Variants in NALCN observed in about 807,000 individuals in gnomAD.
The protein encoded by NALCN is sodium leak channel NALCN.
A neutral mutation model predicts 225.3 loss-of-function variants in NALCN; 111 were observed. That is an observed-to-expected ratio of 0.49 (90% CI 0.42 to 0.58). The LOEUF is 0.58. Ranked by LOEUF, NALCN falls within the 20% of genes least tolerant of loss-of-function variation. The probability of loss-of-function intolerance (pLI) is 0.00; values close to 1 mark genes in which losing one functional copy is unlikely to be tolerated. For missense variants in NALCN, 1,378 were observed against 2,202.4 expected, an observed-to-expected ratio of 0.63 and a Z score of 7.49; for synonymous variants, 764 against 769.0, an observed-to-expected ratio of 0.99 and a Z score of 0.11.
At chr13:101,329,851 C>T (rs1208415030) in intron 7 of NALCN, among the ~76,000 whole-genome samples, 4 of 151,584 alleles carry the variant, frequency 2.6e-5, no homozygotes, top group African/African-American at 4.8e-5. Flanking sequence ...CCAGCCTGGC[C>T]GAAATGGTGA....
chr13:101,397,009 G>A (rs2047312158), intron 2 of NALCN, among the ~76,000 whole-genome samples: 1 of 139,992 alleles, frequency 7.1e-6, no homozygotes, highest in Non-Finnish European at 1.5e-5. Context: ...AAATATGGAA[G>A]CAACACACTT....
intron 6 of NALCN, among the ~76,000 whole-genome samples, chr13:101,368,154 T>G: frequency 1.0e-5 from 1 of 96,450 alleles, no homozygotes; most frequent in Admixed American, 1.4e-4. Flanking sequence ...CCCTCCCCCC[T>G]CCCCCCACCC....
chr13:101,234,629 C>A lies in NALCN; in HGVS notation c.1434+3126G>T, dbSNP rs1340292124. Reference sequence around the variant, plus strand: ...TTTCTCAAGAGATTTACTTTCTAGCCACAAATTAACTGAGATCATTTTTAT... The same window carrying A: ...TTTCTCAAGAGATTTACTTTCTAGCAACAAATTAACTGAGATCATTTTTAT... On this transcript the variant is annotated intron_variant, in intron 12 of 43. Transcript: ENST00000251127. Among the ~76,000 whole-genome samples the A allele has an allele frequency of 3.3e-5, 5 of 152,102 alleles. No individual in the cohort carries two copies. The South Asian group carries it at 6.2e-4, about 19-fold the overall frequency.
chr13:101,404,798 T>C (rs1256072333), intron 1 of NALCN, among the ~76,000 whole-genome samples: 1 of 152,240 alleles, frequency 6.6e-6, no homozygotes, highest in Non-Finnish European at 1.5e-5. Context: ...AAATCCTAAC[T>C]GTAAGTAAAC....
chr13:101,405,232 T>A (rs948025809), intron 1 of NALCN, among the ~76,000 whole-genome samples: 2 of 152,194 alleles, frequency 1.3e-5, no homozygotes, highest in Admixed American at 6.5e-5. Context: ...GATGGCCTTG[T>A]TTCTGTAAAG....
chr13:101,101,618 G>C (rs1401777497), intron 26 of NALCN, among the ~76,000 whole-genome samples: 1 of 152,242 alleles, frequency 6.6e-6, no homozygotes, highest in East Asian at 1.9e-4. Context: ...CAAATGAGCG[G>C]GACAGTGGCT....
chr13:101,381,311 A>G (rs1228914567), intron 3 of NALCN, among the ~76,000 whole-genome samples: 3 of 152,142 alleles, frequency 2.0e-5, no homozygotes, highest in South Asian at 4.1e-4. Flanking sequence ...AACGCATCAC[A>G]AAGGTTACAT....
rs192750214 is a variant in NALCN, at chr13:101,240,021, T to C, written c.1267-2099A>G. Reference sequence around the variant, plus strand: ...CACTATTATATGGTGTTATGTTGTGTTCCTTATGCGTTTTGGGAGTTGTTG... The same window carrying C: ...CACTATTATATGGTGTTATGTTGTGCTCCTTATGCGTTTTGGGAGTTGTTG... On this transcript the variant is annotated intron_variant, in intron 11 of 43. Coordinates refer to ENST00000251127, the MANE Select transcript of NALCN (RefSeq NM_052867.4). Among the ~76,000 whole-genome samples, 278 of 152,188 alleles carry C rather than the reference T, an allele frequency of 1.8e-3. 1 individual carries two copies. Among genetic ancestry groups the C allele is most frequent in the Middle Eastern group, 0.01 (3 of 294 alleles).
chr13:101,200,835 G>A (rs1414219414), intron 13 of NALCN, among the ~76,000 whole-genome samples: 1 of 152,168 alleles, frequency 6.6e-6, no homozygotes, highest in Non-Finnish European at 1.5e-5. Context: ...ATGCAAAGGA[G>A]TTTTAAGCCC....
At chr13:101,192,536 G>A (rs1341092501) in intron 13 of NALCN, among the ~76,000 whole-genome samples, 1 of 151,770 alleles carries the variant, frequency 6.6e-6, no homozygotes, top group Non-Finnish European at 1.5e-5. Context: ...AAAAACATGG[G>A]ACTCTTTAAA....
In NALCN at chr13:101,083,130, A is replaced by C. The variant is rs1392183287; in HGVS notation, c.3652T>G (p.Leu1218Val). 2 of 1,614,078 alleles carry C rather than the reference A, an allele frequency of 1.2e-6. No individual in the cohort carries two copies. The highest frequency in any genetic ancestry group is 1.7e-6 in the Non-Finnish European group (2 of 1,180,024). The change falls in exon 32 of 44, where the codon TTA (leucine) becomes GTA (valine). Residue 1218 changes from leucine (L) to valine (V), a missense_variant. Around this residue, in one of 19 missense-constraint regions of NALCN, gnomAD observed 98 missense variants for 156.6 expected, o/e 0.63. Transcript: ENST00000251127. ...AACACCGACTGGGCCAGGACGAGTA[A>C]TGCGATTGTCCTCTTAAAAAATGGA... ...QHPFFKRTIA[L>V]LVLAQSVLLS...
In NALCN at chr13:101,061,963, C is replaced by T. The variant is rs201361804; in HGVS notation, c.4755+5G>A. On this transcript the variant is annotated splice_donor_5th_base_variant and intron_variant, in intron 41 of 43. Coordinates refer to ENST00000251127, the MANE Select transcript of NALCN (RefSeq NM_052867.4). The stretch of plus-strand genomic sequence containing the variant: ...ACCCAACCTGCATGTGTGCAGTTCA[C>T]TCACAGCTCTGATGCGCTTCAGGCA... 1 of 1,612,656 alleles carries T rather than the reference C, an allele frequency of 6.2e-7. No individual in the cohort carries two copies. The highest frequency in any genetic ancestry group is 1.3e-5 in the African/African-American group (1 of 75,034).
intron 13 of NALCN, among the ~76,000 whole-genome samples, chr13:101,196,596 T>C (rs1442455518): frequency 6.6e-6 from 1 of 152,186 alleles, no homozygotes; most frequent in South Asian, 2.1e-4. Flanking sequence ...GGTTTTCTTC[T>C]CTGTGTTTTA....
chr13:101,142,012 A>C (rs1162055164), intron 17 of NALCN, among the ~76,000 whole-genome samples: 1 of 152,134 alleles, frequency 6.6e-6, no homozygotes, highest in East Asian at 1.9e-4. Context: ...GACATTGATT[A>C]TGTGACCAAG....
intron 3 of NALCN, among the ~76,000 whole-genome samples, chr13:101,379,712 C>T (rs1208463412): frequency 2.0e-5 from 3 of 151,926 alleles, no homozygotes; most frequent in Admixed American, 1.3e-4. Context: ...ACGGGCCTGT[C>T]AAGAGGTGGG....
rs2043588084 is a variant in NALCN at position 101,292,424 on chromosome 13, T to G, written c.800-58A>C. On this transcript the variant is annotated intron_variant, in intron 7 of 43. Transcript: ENST00000251127. The surrounding 1 kb of genome is among the most constrained non-coding windows in gnomAD (Gnocchi z 4.3). ...AGCTGACTTTTGAAATAAGAAAGCATTTTCCAGAAAAACAATCAATATTTA... is the reference window on the plus strand; with the variant it reads ...AGCTGACTTTTGAAATAAGAAAGCAGTTTCCAGAAAAACAATCAATATTTA... 9 of 1,525,240 alleles carry G rather than the reference T, an allele frequency of 5.9e-6. No homozygotes were observed. The South Asian group carries it at 8.6e-5, about 15-fold the overall frequency. The allele number at this position is 1,525,240 out of a possible 1,614,324, so 94.5% of individuals were successfully genotyped here.
intron 10 of NALCN, among the ~76,000 whole-genome samples, chr13:101,273,971 TG>T (rs1356741974): frequency 5.9e-5 from 9 of 151,318 alleles, no homozygotes; most frequent in African/African-American, 2.2e-4. Flanking sequence ...ATCAGGGAGA[TG>T]CAAATTTACA....
intron 10 of NALCN, among the ~76,000 whole-genome samples, chr13:101,281,702 A>T (rs1207771280): frequency 1.3e-5 from 2 of 152,236 alleles, no homozygotes; most frequent in Admixed American, 1.3e-4. Flanking sequence ...TCTATGGAAC[A>T]GGGGAAAATT....
At chr13:101,383,285 T>C (rs1168752635) in intron 3 of NALCN, among the ~76,000 whole-genome samples, 1 of 152,234 alleles carries the variant, frequency 6.6e-6, no homozygotes, top group African/African-American at 2.4e-5. Flanking sequence ...AATATGCCTT[T>C]GTAATCCATA....
Sources: allele counts gnomAD v4.1 joint callset (sites outside exome capture counted in the v4.1 genomes callset), GRCh38; gene constraint gnomAD v4.1.1; regional missense constraint gnomAD v4.1.1; non-coding constraint Gnocchi (gnomAD v3.1); transcripts MANE v1.5; gene names NCBI Gene and HGNC (gene_info 2026-07-23, HGNC 2026-07-21).